Variants in DOK6 observed in about 807,000 individuals in gnomAD.
DOK6 encodes docking protein 6.
A neutral mutation model predicts 44.0 loss-of-function variants in DOK6; 22 were observed. The ratio of observed to expected loss-of-function variants is 0.50; its 90% confidence interval spans 0.36 to 0.71. DOK6 has a LOEUF of 0.71. Among genes scored for constraint, DOK6 ranks in the 30% least tolerant of loss-of-function variants. The pLI, the probability that DOK6 is intolerant of heterozygous loss-of-function variation, is 0.00. For missense variants in DOK6, 340 were observed against 416.4 expected, an observed-to-expected ratio of 0.82 and a Z score of 1.60; for synonymous variants, 166 against 145.5, an observed-to-expected ratio of 1.14 and a Z score of -1.01.
intron 4 of DOK6, among the ~76,000 whole-genome samples, chr18:69,681,380 T>G (rs1219126970): frequency 6.6e-6 from 1 of 152,218 alleles, no homozygotes; most frequent in Non-Finnish European, 1.5e-5. Flanking sequence ...ACAAATAATT[T>G]TTAAAGGTGA....
chr18:69,558,199 G>A (rs752418408), intron 1 of DOK6, among the ~76,000 whole-genome samples: 1 of 151,926 alleles, frequency 6.6e-6, no homozygotes, highest in African/African-American at 2.4e-5. Context: ...TCAGTTATAG[G>A]GCCTAAAGCA....
chr18:69,752,836 G>A (rs1165942363), intron 6 of DOK6, among the ~76,000 whole-genome samples: 2 of 152,150 alleles, frequency 1.3e-5, no homozygotes, highest in South Asian at 2.1e-4. Flanking sequence ...ACGGGGTCAT[G>A]TGGAGCAGCC....
intron 1 of DOK6, among the ~76,000 whole-genome samples, chr18:69,439,114 C>T (rs991043113): frequency 9.2e-5 from 14 of 152,182 alleles, no homozygotes; most frequent in Non-Finnish European, 8.8e-5. Context: ...TCCATCAGAG[C>T]TCTTGGGTAA....
chr18:69,497,408 C>G lies in DOK6; in HGVS notation c.67-67079C>G, dbSNP rs12326631. 6.0e-3 allele frequency among the ~76,000 whole-genome samples: 918 copies of G among 152,272 alleles called. 12 individuals are homozygous for G. The highest frequency in any genetic ancestry group is 0.021 in the African/African-American group (872 of 41,548). ...GAAACACCCCCCTCTCACACCACCC[C>G]AATGCCACGTTTCACAAGCAGGATC... On this transcript the variant is annotated intron_variant, in intron 1 of 7. Coordinates refer to ENST00000382713, the MANE Select transcript of DOK6 (RefSeq NM_152721.6).
chr18:69,463,322 C>A (rs1232670408), intron 1 of DOK6, among the ~76,000 whole-genome samples: 2 of 151,652 alleles, frequency 1.3e-5, no homozygotes, highest in Non-Finnish European at 2.9e-5. Context: ...ACACATCAAT[C>A]TTGGGAGAAC....
intron 3 of DOK6, among the ~76,000 whole-genome samples, chr18:69,620,099 C>T (rs74371692): frequency 0.024 from 3,648 of 151,914 alleles, 147 homozygotes; most frequent in African/African-American, 0.083. Context: ...AAATATGTGA[C>T]GTATGCTTTT....
intron 2 of DOK6, among the ~76,000 whole-genome samples, chr18:69,592,580 A>G (rs1983646847): frequency 6.6e-6 from 1 of 152,148 alleles, no homozygotes; most frequent in African/African-American, 2.4e-5. Flanking sequence ...TCAGACCTTA[A>G]TATTTTAAAT....
intron 1 of DOK6, among the ~76,000 whole-genome samples, chr18:69,520,687 C>A (rs1550593): frequency 0.24 from 36,043 of 151,716 alleles, 4,465 homozygotes; most frequent in South Asian, 0.33. Flanking sequence ...TGTGCTTGGA[C>A]TTGGGTCTCA....
At chr18:69,447,707 G>A (rs1979336256) in intron 1 of DOK6, among the ~76,000 whole-genome samples, 1 of 152,172 alleles carries the variant, frequency 6.6e-6, no homozygotes, top group South Asian at 2.1e-4. Flanking sequence ...CAGAAGGTGA[G>A]CCCGTGATGA....
At chr18:69,595,298 T>G (rs1198364320) in intron 2 of DOK6, among the ~76,000 whole-genome samples, 1 of 152,220 alleles carries the variant, frequency 6.6e-6, no homozygotes, top group Admixed American at 6.5e-5. Context: ...GTGGAAAATT[T>G]GTTCAACTTT....
In DOK6 at chr18:69,467,421, T is replaced by C. The variant is rs898803163; in HGVS notation, c.66+66111T>C. Among the ~76,000 whole-genome samples, 12 of 152,236 alleles carry C rather than the reference T, an allele frequency of 7.9e-5. No individual in the cohort carries two copies. In the East Asian group the frequency reaches 1.9e-3, roughly 24 times the overall value. Reference sequence around the variant, plus strand: ...AATCAGGAACATGAGGTGATTCATTTTGAATTTTGAATCAGGAATATAGTC... The same window carrying C: ...AATCAGGAACATGAGGTGATTCATTCTGAATTTTGAATCAGGAATATAGTC... On this transcript the variant is annotated intron_variant, in intron 1 of 7. Coordinates refer to ENST00000382713, the MANE Select transcript of DOK6 (RefSeq NM_152721.6).
intron 5 of DOK6, among the ~76,000 whole-genome samples, chr18:69,716,840 G>T (rs559536363): frequency 6.6e-6 from 1 of 152,038 alleles, no homozygotes; most frequent in South Asian, 2.1e-4. Context: ...TTTCCAAATG[G>T]GTACCCAAGT....
chr18:69,519,492 A>C (rs1199382420), intron 1 of DOK6, among the ~76,000 whole-genome samples: 3 of 152,020 alleles, frequency 2.0e-5, no homozygotes, highest in Non-Finnish European at 4.4e-5. Context: ...TATCTAAATA[A>C]ATTATACAGA....
At chr18:69,796,677 T>G (rs998458539) in intron 7 of DOK6, among the ~76,000 whole-genome samples, 2 of 152,192 alleles carry the variant, frequency 1.3e-5, no homozygotes, top group African/African-American at 4.8e-5. Flanking sequence ...TTAAAAAGTG[T>G]ACCTGTCAAA....
intron 1 of DOK6, among the ~76,000 whole-genome samples, chr18:69,486,862 A>T (rs1599154308): frequency 1.3e-5 from 2 of 152,306 alleles, no homozygotes; most frequent in South Asian, 2.1e-4. Flanking sequence ...TTACATTTCT[A>T]TGAGTGTTTG....
At chr18:69,768,797 T>G (rs560237714) in intron 7 of DOK6, among the ~76,000 whole-genome samples, 8 of 151,960 alleles carry the variant, frequency 5.3e-5, no homozygotes, top group African/African-American at 1.7e-4. Flanking sequence ...GTGAAGAACC[T>G]CTTTGAAAGT....
intron 5 of DOK6, among the ~76,000 whole-genome samples, chr18:69,716,554 C>T (rs749546860): frequency 2.0e-5 from 3 of 152,030 alleles, no homozygotes; most frequent in Non-Finnish European, 4.4e-5. Flanking sequence ...ATACCGTGTA[C>T]ACACTGCTTT....
In DOK6 at chr18:69,624,126, A is replaced by C. The variant is rs552322373; in HGVS notation, c.289+24628A>C. Among the ~76,000 whole-genome samples the C allele has an allele frequency of 2.0e-5, 3 of 152,278 alleles. No individual in the cohort carries two copies. The East Asian group carries it at 5.8e-4, about 29-fold the overall frequency. ...AGTTCTAGTGTTTAATAAATCTAAA[A>C]GCAATTCAGAAATGATTTATTTAAT... On this transcript the variant is annotated intron_variant, in intron 3 of 7. Coordinates refer to ENST00000382713, the MANE Select transcript of DOK6 (RefSeq NM_152721.6).
chr18:69,751,316 A>G (rs191449692), intron 6 of DOK6, among the ~76,000 whole-genome samples: 54 of 110,048 alleles, frequency 4.9e-4, no homozygotes, highest in African/African-American at 1.4e-3. Context: ...GATTTATTTC[A>G]CTTGTATTCA....
Sources: allele counts gnomAD v4.1 joint callset (sites outside exome capture counted in the v4.1 genomes callset), GRCh38; gene constraint gnomAD v4.1.1; transcripts MANE v1.5; gene names NCBI Gene and HGNC (gene_info 2026-07-23, HGNC 2026-07-21).